The following CABP1 variants were observed in gnomAD, a reference collection of about 807,000 sequenced individuals.
The protein encoded by CABP1 is calcium-binding protein 1.
CABP1 carries 17 observed loss-of-function variants against 34.3 expected under a neutral mutation model. The ratio of observed to expected loss-of-function variants is 0.50; its 90% CI spans 0.34 to 0.74. The LOEUF is 0.74. Ranked by LOEUF, CABP1 falls within the 30% of genes least tolerant of loss-of-function variation. The pLI, the probability that CABP1 is intolerant of heterozygous loss-of-function variation, is 0.01. For synonymous variants in CABP1, 198 were observed against 229.2 expected (o/e 0.86, Z 1.23); for missense variants, 373 against 511.1 (o/e 0.73, Z 2.61).
intron 5 of CABP1, among the ~76,000 whole-genome samples, chr12:120,663,598 A>G (rs1592894439): frequency 1.3e-5 from 2 of 152,170 alleles, no homozygotes; most frequent in East Asian, 1.9e-4. Flanking sequence ...TTTTTAAAGA[A>G]TCAATAGTAA....
At chr12:120,677,089 T>TG in the CABP1 span, among the ~76,000 whole-genome samples, 1 of 150,680 alleles carries the variant, frequency 6.6e-6, no homozygotes, top group Non-Finnish European at 1.5e-5. Flanking sequence ...TTGTGGTTTT[T>TG]TTTTTTTTTT....
chr12:120,659,061 G>T (rs1227996952), intron 1 of CABP1: 1 of 152,214 alleles, frequency 6.6e-6, no homozygotes, highest in Non-Finnish European at 1.5e-5. Flanking sequence ...TAGATTCAGG[G>T]TTGCCTTGAT....
intron 1 of CABP1, among the ~76,000 whole-genome samples, chr12:120,657,977 G>A (rs1425722424): frequency 1.3e-5 from 2 of 152,086 alleles, no homozygotes; most frequent in Non-Finnish European, 2.9e-5. Flanking sequence ...CAGACTGCTG[G>A]TATGACCCAT....
At chr12:120,645,842 T>C (rs909355169) in intron 1 of CABP1, among the ~76,000 whole-genome samples, 3 of 151,632 alleles carry the variant, frequency 2.0e-5, no homozygotes, top group South Asian at 2.1e-4. Context: ...AAAAAAGAAA[T>C]GAGGAAGGCT....
intron 5 of CABP1, 123 bp from the exon 6 acceptor site, chr12:120,666,752 G>A: frequency 9.5e-7 from 1 of 1,050,190 alleles, no homozygotes; most frequent in Non-Finnish European, 1.4e-6. Flanking sequence ...GATTGGAGAG[G>A]GCGGAATGGA....
chr12:120,678,480 T>C, the CABP1 span, among the ~76,000 whole-genome samples: 3 of 152,198 alleles, frequency 2.0e-5, no homozygotes, highest in African/African-American at 7.2e-5. Context: ...TTGCCAGCGG[T>C]ACCTGTTATA....
chr12:120,654,695 GCCGAAGGCAGAGTGCAGGA>G (rs1880062325), intron 1 of CABP1, among the ~76,000 whole-genome samples: 1 of 152,044 alleles, frequency 6.6e-6, no homozygotes, highest in Non-Finnish European at 1.5e-5. Context: ...CAGAGTGCAG[GCCGAAGGCAGAGTGCAGGA>G]GCTGGATTCT....
chr12:120,654,409 T>C (rs769285363), intron 1 of CABP1, among the ~76,000 whole-genome samples: 4 of 152,130 alleles, frequency 2.6e-5, no homozygotes, highest in Admixed American at 2.6e-4. Context: ...GTTCTGAGTC[T>C]CAACCTGGAA....
chr12:120,659,486 CT>C (rs1282949473), intron 1 of CABP1: 2 of 174,220 alleles, frequency 1.1e-5, no homozygotes, highest in African/African-American at 2.5e-5. Context: ...CTGACTCATT[CT>C]TTTTTTGTTT....
chr12:120,652,141 T>A (rs750230377), intron 1 of CABP1, among the ~76,000 whole-genome samples: 54 of 152,208 alleles, frequency 3.5e-4, no homozygotes, highest in Non-Finnish European at 6.5e-4. Context: ...CCTCTTAAGG[T>A]GATTCTGGGA....
downstream of CABP1, among the ~76,000 whole-genome samples, chr12:120,668,450 C>G (rs1035858087): frequency 6.6e-6 from 1 of 152,118 alleles, no homozygotes; most frequent in Non-Finnish European, 1.5e-5. Flanking sequence ...GGTGACGGAG[C>G]GAGACTCCGT....
intron 1 of CABP1, chr12:120,655,441 G>T (rs1198038745): frequency 4.0e-5 from 28 of 699,348 alleles, no homozygotes; most frequent in Admixed American, 5.2e-5. Flanking sequence ...ACACGAAAAA[G>T]GAGGGGGCAT....
chr12:120,658,666 G>A (rs1437028806), intron 1 of CABP1, among the ~76,000 whole-genome samples: 1 of 152,130 alleles, frequency 6.6e-6, no homozygotes, highest in Non-Finnish European at 1.5e-5. Flanking sequence ...TTGTCCTGGG[G>A]CCAGTTTGGA....
At chr12:120,662,882 A>G (rs973685015) in intron 5 of CABP1, among the ~76,000 whole-genome samples, 5 of 150,912 alleles carry the variant, frequency 3.3e-5, no homozygotes, top group African/African-American at 1.2e-4. Context: ...ATGGGGTTTC[A>G]CTATGTTGGC....
downstream of CABP1, among the ~76,000 whole-genome samples, chr12:120,671,326 A>G (rs1358441141): frequency 6.6e-6 from 1 of 152,192 alleles, no homozygotes; most frequent in Non-Finnish European, 1.5e-5. Flanking sequence ...ATCACTTGGG[A>G]GGCAGAGGCT....
At chr12:120,653,340 G>A (rs1009449723) in intron 1 of CABP1, among the ~76,000 whole-genome samples, 3 of 151,952 alleles carry the variant, frequency 2.0e-5, no homozygotes, top group Non-Finnish European at 2.9e-5. Context: ...ATTACTTGTC[G>A]CAGGAATCCT....
the CABP1 span, among the ~76,000 whole-genome samples, chr12:120,677,499 T>C: frequency 4.0e-5 from 6 of 148,298 alleles, no homozygotes; most frequent in Admixed American, 6.9e-5. Context: ...TGGGCTCAAG[T>C]GATCCTCCCA....
At chr12:120,673,275 A>G in the CABP1 span, among the ~76,000 whole-genome samples, 5 of 152,144 alleles carry the variant, frequency 3.3e-5, no homozygotes, top group East Asian at 9.6e-4. Context: ...TCTGTGTCTT[A>G]TTTTACAATA....
chr12:120,675,928 T>C, the CABP1 span, among the ~76,000 whole-genome samples: 15 of 152,258 alleles, frequency 9.9e-5, no homozygotes, highest in East Asian at 2.9e-3. Context: ...ATACAAAATT[T>C]AGCTGGGCGT....
Sources: allele counts gnomAD v4.1 joint callset (sites outside exome capture counted in the v4.1 genomes callset), GRCh38; gene constraint gnomAD v4.1.1; transcripts MANE v1.5; gene names NCBI Gene and HGNC (gene_info 2026-07-23, HGNC 2026-07-21).